Variants in NRXN1 observed in about 807,000 individuals in gnomAD.
NRXN1 encodes neurexin 1.
NRXN1 carries 39 observed loss-of-function variants against 150.9 expected under a neutral mutation model. The ratio of observed to expected loss-of-function variants is 0.26; its 90% CI spans 0.20 to 0.34. NRXN1 has a LOEUF of 0.34. NRXN1 is among the 10% of genes least tolerant of loss of function. The probability of loss-of-function intolerance (pLI) is 1.00; values close to 1 mark genes in which losing one functional copy is unlikely to be tolerated. For synonymous variants in NRXN1, 924 were observed against 757.0 expected (o/e 1.22, Z -3.62); for missense variants, 1,815 against 1,949.9 (o/e 0.93, Z 1.30).
intron 5 of NRXN1, among the ~76,000 whole-genome samples, chr2:50,782,105 A>T (rs1704427812): frequency 6.6e-6 from 1 of 152,196 alleles, no homozygotes; most frequent in Non-Finnish European, 1.5e-5. Flanking sequence ...TAGATGCTAA[A>T]CAAAAGATTT....
At chr2:50,404,792 A>G (rs991181388) in intron 17 of NRXN1, among the ~76,000 whole-genome samples, 9 of 152,250 alleles carry the variant, frequency 5.9e-5, no homozygotes, top group East Asian at 1.9e-4. Context: ...TCTTTGCAGT[A>G]TAAGAGTTTT....
intron 17 of NRXN1, among the ~76,000 whole-genome samples, chr2:50,453,791 A>G (rs1481558955): frequency 6.6e-6 from 1 of 152,176 alleles, no homozygotes; most frequent in South Asian, 2.1e-4. Flanking sequence ...CACAGAAGTG[A>G]TATGCTACTA....
intron 19 of NRXN1, among the ~76,000 whole-genome samples, chr2:50,087,380 C>T (rs894200032): frequency 6.6e-6 from 1 of 151,994 alleles, no homozygotes; most frequent in African/African-American, 2.4e-5. Context: ...TTTTGACACA[C>T]TGTGATAGGA....
chr2:50,481,760 C>T (rs58569234), intron 15 of NRXN1, among the ~76,000 whole-genome samples: 136 of 82,898 alleles, frequency 1.6e-3, no homozygotes, highest in East Asian at 3.4e-3. Context: ...ACTTTTGTTT[C>T]TTTTTTTTTT....
At chr2:49,998,234 C>T (rs1394200069) in intron 21 of NRXN1, among the ~76,000 whole-genome samples, 1 of 152,140 alleles carries the variant, frequency 6.6e-6, no homozygotes, top group Admixed American at 6.6e-5. Context: ...TGAACCTTGT[C>T]TCAACACAAT....
chr2:50,383,212 G>A (rs971936395), intron 17 of NRXN1, among the ~76,000 whole-genome samples: 6 of 152,076 alleles, frequency 3.9e-5, no homozygotes, highest in Non-Finnish European at 7.3e-5. Flanking sequence ...GTACAACTAG[G>A]ACAGAATATG....
At chr2:50,485,148 T>C (rs2090773248) in intron 15 of NRXN1, among the ~76,000 whole-genome samples, 1 of 152,188 alleles carries the variant, frequency 6.6e-6, no homozygotes, top group African/African-American at 2.4e-5. Context: ...GTTGTGAGGA[T>C]TCAGAGACCG....
chr2:50,000,517 T>C (rs923092671), intron 21 of NRXN1, among the ~76,000 whole-genome samples: 4 of 152,010 alleles, frequency 2.6e-5, no homozygotes, highest in African/African-American at 9.7e-5. Context: ...CTACATGAAA[T>C]TCAGAATGCA....
In NRXN1 at chr2:50,153,936, G is replaced by C. The variant is rs188861270; in HGVS notation, c.3547-62442C>G. 3.3e-5 allele frequency among the ~76,000 whole-genome samples: 5 copies of C among 151,840 alleles called. No individual in the cohort carries two copies. In the East Asian group the frequency reaches 9.7e-4, roughly 30 times the overall value. On this transcript the variant is annotated intron_variant, in intron 18 of 22. Transcript: ENST00000401669. ...TTGTCCATCATGGCTTCTACAAGCTGCATGCAAGCCTAACACAGTATGGGG... is the reference window on the plus strand; with the variant it reads ...TTGTCCATCATGGCTTCTACAAGCTCCATGCAAGCCTAACACAGTATGGGG...
chr2:50,854,882 A>G (rs535326783), intron 5 of NRXN1, among the ~76,000 whole-genome samples: 3 of 152,182 alleles, frequency 2.0e-5, no homozygotes, highest in East Asian at 1.9e-4. Flanking sequence ...ACAGGAGTGG[A>G]AGAAAGAACA....
intron 17 of NRXN1, among the ~76,000 whole-genome samples, chr2:50,272,109 C>T (rs566520305): frequency 6.6e-6 from 1 of 152,264 alleles, no homozygotes; most frequent in Admixed American, 6.5e-5. Context: ...CCTTGGGGAG[C>T]AGGTCTGACT....
chr2:50,299,425 T>TA (rs372568460), intron 17 of NRXN1, among the ~76,000 whole-genome samples: 1 of 108,564 alleles, frequency 9.2e-6, no homozygotes, highest in East Asian at 5.3e-4. Context: ...TTTTTTTTTT[T>TA]AAAACTGACT....
chr2:50,830,331 C>T (rs1024997723), intron 5 of NRXN1, among the ~76,000 whole-genome samples: 1 of 151,962 alleles, frequency 6.6e-6, no homozygotes, highest in Admixed American at 6.6e-5. Flanking sequence ...GAGCCAAGCC[C>T]CATGTTCACT....
intron 5 of NRXN1, among the ~76,000 whole-genome samples, chr2:50,674,185 G>C (rs1378602141): frequency 1.3e-5 from 2 of 152,122 alleles, no homozygotes; most frequent in Non-Finnish European, 2.9e-5. Context: ...TTACAGAAGA[G>C]TATGGAACTC....
At chr2:50,083,613 G>C (rs75367269) in intron 19 of NRXN1, among the ~76,000 whole-genome samples, 8,391 of 152,178 alleles carry the variant, frequency 0.055, 766 homozygotes, top group African/African-American at 0.19. Context: ...GGTGGCCAGG[G>C]CTGGCTCGGG....
At chr2:51,013,621 T>G (rs964094797) in intron 2 of NRXN1, among the ~76,000 whole-genome samples, 8 of 151,946 alleles carry the variant, frequency 5.3e-5, no homozygotes, top group African/African-American at 1.7e-4. Context: ...TGTTACTTAG[T>G]CCAGGCTGCT....
At chr2:50,131,317 T>C (rs17039923) in intron 18 of NRXN1, among the ~76,000 whole-genome samples, 10,607 of 152,276 alleles carry the variant, frequency 0.07, 1,292 homozygotes, top group African/African-American at 0.24. Context: ...TTGAATACCA[T>C]TGATAAAACC....
chr2:50,119,493 G>A (rs553978772), intron 18 of NRXN1, among the ~76,000 whole-genome samples: 33 of 151,648 alleles, frequency 2.2e-4, no homozygotes, highest in African/African-American at 7.5e-4. Flanking sequence ...CTAAAGCCCC[G>A]CGGCAGGGAT....
chr2:50,351,502 A>C (rs568788392), intron 17 of NRXN1, among the ~76,000 whole-genome samples: 15 of 152,304 alleles, frequency 9.8e-5, no homozygotes, highest in African/African-American at 3.4e-4. Context: ...GTTAGGAGGA[A>C]GTTAATCCTT....
Sources: gnomAD v4.1 joint callset for allele counts (sites outside exome capture counted in the v4.1 genomes callset) on GRCh38, gnomAD v4.1.1 for gene constraint, MANE v1.5 for transcripts, NCBI Gene and HGNC (gene_info 2026-07-23, HGNC 2026-07-21) for gene names.